The following VPS13C variants were observed in gnomAD, a reference collection of about 807,000 sequenced individuals.
The protein encoded by VPS13C is vacuolar protein sorting 13 homolog C.
In VPS13C, 358 loss-of-function variants were observed where a neutral mutation model predicts 456.8. That is an observed-to-expected ratio of 0.78 (90% CI 0.72 to 0.86). The LOEUF (loss-of-function observed/expected upper bound fraction) is 0.86, where lower values mean the gene tolerates loss of function less well. Among genes scored for constraint, VPS13C ranks in the 40% least tolerant of loss-of-function variants. The pLI is 0.00. For synonymous variants in VPS13C, 1,578 were observed against 1,486.7 expected, an observed-to-expected ratio of 1.06 and a Z score of -1.41; for missense variants, 4,818 against 4,385.4, an observed-to-expected ratio of 1.10 and a Z score of -2.79.
Position 62,023,829 on chromosome 15 carries a change from C to G in VPS13C, c.465G>C (p.Lys155Asn), listed in dbSNP as rs1260506994. 1 of 1,610,596 alleles carries G rather than the reference C, an allele frequency of 6.2e-7. No homozygotes were observed. Among genetic ancestry groups the G allele is most frequent in the Middle Eastern group, 1.7e-4 (1 of 6,034 alleles). The part of the protein sequence containing the change: ...KDIKPGRKRK[K>N]HKKHFKKPFK... ...AAGGTTTCTTAAAATGTTTTTTGTG[C>G]TTTTTACGTTTACGTCCTTCACAGT... is the stretch of plus-strand genomic sequence containing the variant. The change falls in exon 7 of 85, where the codon AAG (lysine) becomes AAC (asparagine). Residue 155 changes from lysine (K) to asparagine (N), a missense_variant. Around this residue, in one of 3 missense-constraint regions of VPS13C, gnomAD observed 4,552 missense variants for 4,130.6 expected, o/e 1.10. Coordinates refer to ENST00000644861, the MANE Select transcript of VPS13C (RefSeq NM_020821.3).
intron 81 of VPS13C, among the ~76,000 whole-genome samples, chr15:61,868,159 C>G (rs1894725467): frequency 6.6e-6 from 1 of 151,890 alleles, no homozygotes; most frequent in Admixed American, 6.6e-5. Context: ...AAAATATAAT[C>G]AAGTTAAAAC....
intron 5 of VPS13C, 99 bp downstream of exon 5, chr15:62,033,342 C>A: frequency 1.5e-6 from 1 of 679,728 alleles, no homozygotes; most frequent in Non-Finnish European, 2.2e-6. Flanking sequence ...GTCTTTAGAA[C>A]TTCAACTTAT....
chr15:61,896,671 G>C (rs1435346151), intron 66 of VPS13C, among the ~76,000 whole-genome samples: 2 of 152,244 alleles, frequency 1.3e-5, no homozygotes, highest in African/African-American at 4.8e-5. Context: ...AGCGAGGCTG[G>C]GGGAGGGGTG....
chr15:62,000,971 T>TC (rs1280075365), intron 15 of VPS13C, among the ~76,000 whole-genome samples: 2 of 151,980 alleles, frequency 1.3e-5, no homozygotes, highest in African/African-American at 2.4e-5. Context: ...TACTTCTAAC[T>TC]CCCCCCATTC....
chr15:61,863,301 T>C (rs988412401), intron 82 of VPS13C, 139 bp downstream of exon 82: 4 of 615,416 alleles, frequency 6.5e-6, no homozygotes, highest in Non-Finnish European at 1.1e-5. Context: ...ATTGTGATTC[T>C]ATGAAAATGA....
At chr15:61,860,695 TGACAA>T (rs1894172795) in intron 82 of VPS13C, among the ~76,000 whole-genome samples, 1 of 152,142 alleles carries the variant, frequency 6.6e-6, no homozygotes, top group Non-Finnish European at 1.5e-5. Context: ...CATGAAAAAT[TGACAA>T]GACTAAAATG....
rs774803427 is a variant in VPS13C at position 61,978,651 on chromosome 15, A to G, written c.2265T>C (p.Asn755=). The G allele has an allele frequency of 1.2e-6, 2 of 1,611,820 alleles. No individual in the cohort carries two copies. The highest frequency in any genetic ancestry group is 1.7e-6 in the Non-Finnish European group (2 of 1,179,326). The change falls in exon 23 of 85, where the codon AAT becomes AAC. Residue 755 remains asparagine (N), a synonymous_variant. Coordinates refer to ENST00000644861, the MANE Select transcript of VPS13C (RefSeq NM_020821.3). ...AYDKFDVEIK[N]VQLLFARAEE... is the part of the protein sequence containing the mutation. ...CTGCTCTTGCAAAAAGTAGTTGTAC[A>G]TTTTTTATTTCAACATCAAACTTGT...
intron 13 of VPS13C, 66 bp from the exon 14 acceptor site, chr15:62,008,827 T>C (rs1015708450): frequency 9.7e-7 from 1 of 1,029,958 alleles, no homozygotes; most frequent in Middle Eastern, 3.3e-4. Context: ...TAAATTTAAT[T>C]CTATTTTTTA....
At chr15:62,051,280 G>A (rs2048609177) in intron 1 of VPS13C, among the ~76,000 whole-genome samples, 1 of 152,142 alleles carries the variant, frequency 6.6e-6, no homozygotes. Flanking sequence ...AATGCATATT[G>A]TACTGGGGTG....
At chr15:61,873,507 C>G in intron 77 of VPS13C, 98 bp from the exon 78 acceptor site, 1 of 1,184,820 alleles carries the variant, frequency 8.4e-7, no homozygotes. Flanking sequence ...AATAGGCAAA[C>G]GATCTGAATA....
intron 16 of VPS13C, among the ~76,000 whole-genome samples, chr15:61,999,958 T>A (rs79268611): frequency 2.7e-5 from 4 of 148,404 alleles, no homozygotes; most frequent in African/African-American, 9.9e-5. Flanking sequence ...TATATAAGCA[T>A]GGGAGAAAAA....
At position 62,001,351 on chromosome 15, in the gene VPS13C, G is replaced by C. The variant is rs932180213; in HGVS notation, c.1291-725C>G. Among the ~76,000 whole-genome samples the C allele has an allele frequency of 2.0e-5, 3 of 152,108 alleles. No individual in the cohort carries two copies. In the South Asian group the frequency reaches 6.2e-4, roughly 31 times the overall value. On this transcript the variant is annotated intron_variant, in intron 15 of 84. Coordinates refer to ENST00000644861, the MANE Select transcript of VPS13C (RefSeq NM_020821.3). ...ACGCTTTTTCTAATATTTCACACTG[G>C]TGATTGTGATATACTTCAGAAAAAT... is the stretch of plus-strand genomic sequence containing the variant.
At position 61,868,768 on chromosome 15, in the gene VPS13C, G is replaced by C. The variant is rs1181451982; in HGVS notation, c.10754C>G (p.Ala3585Gly). 9 of 1,613,302 alleles carry C rather than the reference G, an allele frequency of 5.6e-6. No individual in the cohort carries two copies. The South Asian group carries it at 9.9e-5, about 18-fold the overall frequency. The change falls in exon 81 of 85, where the codon GCA becomes GGA. Residue 3585 changes from alanine to glycine, a missense_variant. This residue lies in a region of VPS13C where 261 missense variants were observed against 234.1 expected (regional missense o/e 1.11). Transcript: ENST00000644861. ...SSTFQGIQRA[A>G]ESTEEVSSLR... ...GCTAGATACTTCCTCAGTTGATTCT[G>C]CTGCCCTGAATAAGGCATCAGAGTA... is the stretch of plus-strand genomic sequence containing the variant.
chr15:61,917,728 G>A lies in VPS13C; in HGVS notation c.7761-93C>T. 5 of 1,349,256 alleles carry A rather than the reference G, an allele frequency of 3.7e-6. No individual in the cohort carries two copies. In the South Asian group the frequency reaches 6.0e-5, roughly 16 times the overall value. The allele number at this position is 1,349,256 out of a possible 1,614,324, so 83.6% of individuals were successfully genotyped here. A position where few individuals can be genotyped will look rare whatever the true frequency, so the allele number is the denominator to read the frequency against. On this transcript the variant is annotated intron_variant, in intron 59 of 84. Transcript: ENST00000644861. ...TCTTCCTGACAACTCTACAAGATAG[G>A]TGCTATTATTCCTGTTTTTACAGAT...
chr15:61,930,344 G>A (rs1007811484), intron 50 of VPS13C, among the ~76,000 whole-genome samples: 9 of 152,148 alleles, frequency 5.9e-5, no homozygotes, highest in Non-Finnish European at 1.2e-4. Context: ...GCTGTGGACA[G>A]CTACTCCAGA....
intron 38 of VPS13C, among the ~76,000 whole-genome samples, chr15:61,952,859 C>T (rs1011541561): frequency 1.3e-5 from 2 of 151,892 alleles, no homozygotes; most frequent in African/African-American, 4.8e-5. Context: ...ACTAAAGGCA[C>T]ATGCCACCAC....
At position 62,041,305 on chromosome 15, in the gene VPS13C, T is replaced by C. The variant is rs1555450638; in HGVS notation, c.187+19A>G. ...ACAATAGGACCAAGAATAATTCAAA[T>C]GAAGACTAAAGTACTTACCAATTTG... On this transcript the variant is annotated intron_variant, in intron 3 of 84. Transcript: ENST00000644861. 1 of 1,593,442 alleles carries C rather than the reference T, an allele frequency of 6.3e-7. No homozygotes were observed. Among genetic ancestry groups the C allele is most frequent in the East Asian group, 2.2e-5 (1 of 44,564 alleles).
Position 61,882,681 on chromosome 15 carries a change from T to C in VPS13C, c.9539A>G (p.Lys3180Arg). The C allele has an allele frequency of 1.9e-6, 3 of 1,599,986 alleles. No individual in the cohort carries two copies. In the South Asian group the frequency reaches 3.4e-5, roughly 18 times the overall value. ...EMRLPIRSPI[K>R]RDFLSGIQIE... The stretch of plus-strand genomic sequence containing the variant: ...CTGAATTCCTGATAAAAAGTCTCGT[T>C]TAATAGGGCTACGAATAGGGAGGCG... The change falls in exon 69 of 85, where the codon AAA becomes AGA. Residue 3180 changes from lysine to arginine, a missense_variant. Physicochemically the swap from Lys to Arg is conservative, Grantham distance 26. Around this residue, in one of 3 missense-constraint regions of VPS13C, gnomAD observed 4,552 missense variants for 4,130.6 expected, o/e 1.10. Coordinates refer to ENST00000644861, the MANE Select transcript of VPS13C (RefSeq NM_020821.3).
At position 61,978,645 on chromosome 15, in the gene VPS13C, T is replaced by G. The variant is rs78525911; in HGVS notation, c.2271A>C (p.Gln757His). 2.0e-5 allele frequency: 32 copies of G among 1,611,306 alleles called. No individual in the cohort carries two copies. In the East Asian group the frequency reaches 6.9e-4, roughly 35 times the overall value. ...DKFDVEIKNVQLLFARAEETW... is the reference protein window; with the variant it reads ...DKFDVEIKNVHLLFARAEETW... ...GTTTACCTGCTCTTGCAAAAAGTAGTTGTACATTTTTTATTTCAACATCAA... is the reference window on the plus strand; with the variant it reads ...GTTTACCTGCTCTTGCAAAAAGTAGGTGTACATTTTTTATTTCAACATCAA... Residue 757 changes from glutamine (Q) to histidine (H), a missense_variant, in exon 23 of 85, where the codon CAA (glutamine) becomes CAC (histidine). Gln to His is a conservative substitution (Grantham distance 24). This residue lies in a region of VPS13C where 4,552 missense variants were observed against 4,130.6 expected (regional missense o/e 1.10). Transcript: ENST00000644861.
Sources: gnomAD v4.1 joint callset for allele counts (sites outside exome capture counted in the v4.1 genomes callset) on GRCh38, gnomAD v4.1.1 for gene constraint, gnomAD v4.1.1 regional missense constraint, MANE v1.5 for transcripts, NCBI Gene and HGNC (gene_info 2026-07-23, HGNC 2026-07-21) for gene names.